NPW: variants seen among roughly 807,000 people sequenced by gnomAD.
NPW encodes prepro-neuropeptide W.
In NPW, 8 loss-of-function variants were observed where a neutral mutation model predicts 9.9. That is an observed-to-expected ratio of 0.81 (90% CI 0.47 to 1.46). The LOEUF is 1.46. Ranked by LOEUF, NPW falls within the 40% of genes most tolerant of loss-of-function variation. The pLI, the probability that NPW is intolerant of heterozygous loss-of-function variation, is 0.00. For synonymous variants in NPW, 134 were observed against 119.9 expected, an observed-to-expected ratio of 1.12 and a Z score of -0.77; for missense variants, 287 against 240.3, an observed-to-expected ratio of 1.19 and a Z score of -1.28.
At position 2,019,810 on chromosome 16, in the gene NPW, C is replaced by A; in HGVS notation, c.-92C>A. 1 of 1,195,496 alleles carries A rather than the reference C, an allele frequency of 8.4e-7. No homozygotes were observed. The highest frequency in any genetic ancestry group is 1.0e-6 in the Non-Finnish European group (1 of 965,270). 74.1% of individuals were successfully genotyped at this position (1,195,496 alleles called of 1,614,324 possible). ...GGCTCGCCTCCAGCCTCCTGCGCTC[C>A]GGTACCTGGGCGTCCCAACTCCACT... On this transcript the variant is annotated 5_prime_UTR_variant, in exon 1 of 2. Transcript: ENST00000566435.
At position 2,020,233 on chromosome 16, in the gene NPW, C is replaced by T; in HGVS notation, c.332C>T (p.Pro111Leu). The change falls in exon 1 of 2, where the codon CCC (proline) becomes CTC (leucine). Residue 111 changes from proline to leucine, a missense_variant. Coordinates refer to ENST00000566435, the MANE Select transcript of NPW (RefSeq NM_001099456.3). Reference sequence around the variant, plus strand: ...CGCAGGAGCTCCCAGGCAGGGATCCCCGTCCGTGCGCCCCGGAGCCCGCGC... The same window carrying T: ...CGCAGGAGCTCCCAGGCAGGGATCCTCGTCCGTGCGCCCCGGAGCCCGCGC... 6.3e-7 allele frequency: 1 copy of T among 1,578,898 alleles called. No homozygotes were observed. Among genetic ancestry groups the T allele is most frequent in the Non-Finnish European group, 8.6e-7 (1 of 1,165,880 alleles).
Position 2,020,252 on chromosome 16 carries a change from C to A in NPW, c.351C>A (p.Ser117Arg). ...GGATCCCCGTCCGTGCGCCCCGGAG[C>A]CCGCGCGCCCCAGAGCCTGCGCTGG... The change falls in exon 1 of 2, where the codon AGC (serine) becomes AGA (arginine). Residue 117 changes from serine to arginine, a missense_variant. Coordinates refer to ENST00000566435, the MANE Select transcript of NPW (RefSeq NM_001099456.3). 1 of 1,552,498 alleles carries A rather than the reference C, an allele frequency of 6.4e-7. No individual in the cohort carries two copies.
chr16:2,020,075 A>T lies in NPW; in HGVS notation c.174A>T (p.Ser58=). 6.7e-7 allele frequency: 1 copy of T among 1,493,010 alleles called. No homozygotes were observed. Among genetic ancestry groups the T allele is most frequent in the Non-Finnish European group, 8.9e-7 (1 of 1,129,580 alleles). 92.5% of individuals were successfully genotyped at this position (1,493,010 alleles called of 1,614,324 possible). The change falls in exon 1 of 2, where the codon TCA becomes TCT. Residue 58 remains serine, a synonymous_variant. Transcript: ENST00000566435. ...GCCTGCTCATGGGGCTGCGTCGCTC[A>T]CCCTATCTGTGGCGCCGCGCGCTGC...
Position 2,020,111 on chromosome 16 carries a change from C to G in NPW, c.210C>G (p.Ala70=), listed in dbSNP as rs377530090. 5.6e-5 allele frequency: 85 copies of G among 1,518,452 alleles called. 1 individual carries two copies. The South Asian group carries it at 9.2e-4, about 16-fold the overall frequency. The allele number at this position is 1,518,452 out of a possible 1,614,324, so 94.1% of individuals were successfully genotyped here. A position where few individuals can be genotyped will look rare whatever the true frequency, so the allele number is the denominator to read the frequency against. Residue 70 remains alanine (A), a synonymous_variant, in exon 1 of 2, where the codon GCC becomes GCG. Coordinates refer to ENST00000566435, the MANE Select transcript of NPW (RefSeq NM_001099456.3). ...GGCGCCGCGCGCTGCGCGCGGCCGC[C>G]GGGCCCCTGGCCAGGGACACCCTCT...
Position 2,019,848 on chromosome 16 carries a change from C to A in NPW, c.-54C>A. ...TCCCAACTCCACTGCGCGCCCAAAC[C>A]CAGCCGAGCCGGTTCGTGGCCCGCC... On this transcript the variant is annotated 5_prime_UTR_variant, in exon 1 of 2. Transcript: ENST00000566435. 1 of 1,205,712 alleles carries A rather than the reference C, an allele frequency of 8.3e-7. No homozygotes were observed. The highest frequency in any genetic ancestry group is 4.1e-5 in the South Asian group (1 of 24,232). 74.7% of individuals were successfully genotyped at this position (1,205,712 alleles called of 1,614,324 possible).
In NPW at chr16:2,020,105, G is replaced by A. The variant is rs757153361; in HGVS notation, c.204G>A (p.Ala68=). 163 of 1,505,536 alleles carry A rather than the reference G, an allele frequency of 1.1e-4. No individual in the cohort carries two copies. The highest frequency in any genetic ancestry group is 1.4e-4 in the Non-Finnish European group (159 of 1,136,862). 93.3% of individuals were successfully genotyped at this position (1,505,536 alleles called of 1,614,324 possible). A position where few individuals can be genotyped will look rare whatever the true frequency, so the allele number is the denominator to read the frequency against. Reference sequence around the variant, plus strand: ...ATCTGTGGCGCCGCGCGCTGCGCGCGGCCGCCGGGCCCCTGGCCAGGGACA... The same window carrying A: ...ATCTGTGGCGCCGCGCGCTGCGCGCAGCCGCCGGGCCCCTGGCCAGGGACA... The change falls in exon 1 of 2, where the codon GCG becomes GCA. Residue 68 remains alanine, a synonymous_variant. Transcript: ENST00000566435.
At position 2,020,261 on chromosome 16, in the gene NPW, C is replaced by T. The variant is rs1264645882; in HGVS notation, c.360C>T (p.Ala120=). 5 of 1,545,056 alleles carry T rather than the reference C, an allele frequency of 3.2e-6. No homozygotes were observed. In the Admixed American group the frequency reaches 5.8e-5, roughly 18 times the overall value. The stretch of plus-strand genomic sequence containing the variant: ...TCCGTGCGCCCCGGAGCCCGCGCGC[C>T]CCAGAGCCTGCGCTGGAACCGGAGT... The change falls in exon 1 of 2, where the codon GCC becomes GCT. Residue 120 remains alanine (A), a synonymous_variant. Transcript: ENST00000566435.
At position 2,020,600 on chromosome 16, in the gene NPW, TGGCCCCCG is replaced by T; in HGVS notation, c.481_488del (p.Ala161ThrfsTer16). The stretch of plus-strand genomic sequence containing the variant: ...GCAAACCGCCTTGGCCTGCCCTGCC[TGGCCCCCG>T]GACCGTTCTGACAGCGTCCCCCGCC... On this transcript the variant is annotated frameshift_variant, in exon 2 of 2. Transcript: ENST00000566435. LOFTEE classifies it high-confidence loss of function. 6.2e-7 allele frequency: 1 copy of T among 1,603,304 alleles called. No individual in the cohort carries two copies. The highest frequency in any genetic ancestry group is 8.5e-7 in the Non-Finnish European group (1 of 1,173,184).
Position 2,019,854 on chromosome 16 carries a change from G to A in NPW, c.-48G>A, listed in dbSNP as rs932036356. The A allele has an allele frequency of 2.4e-5, 29 of 1,207,286 alleles. No homozygotes were observed. The highest frequency in any genetic ancestry group is 4.1e-5 in the South Asian group (1 of 24,360). 74.8% of individuals were successfully genotyped at this position (1,207,286 alleles called of 1,614,324 possible). A position where few individuals can be genotyped will look rare whatever the true frequency, so the allele number is the denominator to read the frequency against. On this transcript the variant is annotated 5_prime_UTR_variant, in exon 1 of 2. Coordinates refer to ENST00000566435, the MANE Select transcript of NPW (RefSeq NM_001099456.3). ...CTCCACTGCGCGCCCAAACCCAGCC[G>A]AGCCGGTTCGTGGCCCGCCCCGCCG...
Position 2,020,259 on chromosome 16 carries a change from G to C in NPW, c.358G>C (p.Ala120Pro). The C allele has an allele frequency of 6.5e-7, 1 of 1,545,468 alleles. No individual in the cohort carries two copies. The highest frequency in any genetic ancestry group is 8.7e-7 in the Non-Finnish European group (1 of 1,148,330). The change falls in exon 1 of 2, where the codon GCC becomes CCC. Residue 120 changes from alanine to proline, a missense_variant. Ala to Pro is a conservative substitution (Grantham distance 27). Coordinates refer to ENST00000566435, the MANE Select transcript of NPW (RefSeq NM_001099456.3). Reference sequence around the variant, plus strand: ...CGTCCGTGCGCCCCGGAGCCCGCGCGCCCCAGAGCCTGCGCTGGAACCGGA... The same window carrying C: ...CGTCCGTGCGCCCCGGAGCCCGCGCCCCCCAGAGCCTGCGCTGGAACCGGA...
chr16:2,020,616 C>G lies in NPW; in HGVS notation c.495C>G (p.Phe165Leu). 6.3e-7 allele frequency: 1 copy of G among 1,584,660 alleles called. No homozygotes were observed. Among genetic ancestry groups the G allele is most frequent in the Non-Finnish European group, 8.6e-7 (1 of 1,160,050 alleles). Reference sequence around the variant, plus strand: ...TGCCCTGCCTGGCCCCCGGACCGTTCTGACAGCGTCCCCCGCCCGCCCGTG... The same window carrying G: ...TGCCCTGCCTGGCCCCCGGACCGTTGTGACAGCGTCCCCCGCCCGCCCGTG... The change falls in exon 2 of 2, where the codon TTC (phenylalanine) becomes TTG (leucine). Residue 165 changes from phenylalanine to leucine, a missense_variant. Coordinates refer to ENST00000566435, the MANE Select transcript of NPW (RefSeq NM_001099456.3).
rs757726628 is a variant in NPW, at chr16:2,020,247, C to G, written c.346C>G (p.Arg116Gly). 5 of 1,558,022 alleles carry G rather than the reference C, an allele frequency of 3.2e-6. No homozygotes were observed. In the South Asian group the frequency reaches 5.9e-5, roughly 18 times the overall value. The change falls in exon 1 of 2, where the codon CGG becomes GGG. Residue 116 changes from arginine to glycine, a missense_variant. Arg to Gly is a moderately radical substitution (Grantham distance 125). Transcript: ENST00000566435. ...GGCAGGGATCCCCGTCCGTGCGCCC[C>G]GGAGCCCGCGCGCCCCAGAGCCTGC...
rs1365644498 is a variant in NPW at position 2,020,096 on chromosome 16, G to A, written c.195G>A (p.Ala65=). The A allele has an allele frequency of 1.3e-6, 2 of 1,502,306 alleles. No individual in the cohort carries two copies. The highest frequency in any genetic ancestry group is 5.0e-5 in the East Asian group (2 of 40,298). The allele number at this position is 1,502,306 out of a possible 1,614,324, so 93.1% of individuals were successfully genotyped here. A position where few individuals can be genotyped will look rare whatever the true frequency, so the allele number is the denominator to read the frequency against. Reference sequence around the variant, plus strand: ...GCTCACCCTATCTGTGGCGCCGCGCGCTGCGCGCGGCCGCCGGGCCCCTGG... The same window carrying A: ...GCTCACCCTATCTGTGGCGCCGCGCACTGCGCGCGGCCGCCGGGCCCCTGG... Residue 65 remains alanine (A), a synonymous_variant, in exon 1 of 2, where the codon GCG becomes GCA. Coordinates refer to ENST00000566435, the MANE Select transcript of NPW (RefSeq NM_001099456.3).
Position 2,020,201 on chromosome 16 carries a change from GA to G in NPW, c.301del (p.Thr101ArgfsTer92). 4 of 1,596,728 alleles carry G rather than the reference GA, an allele frequency of 2.5e-6. No individual in the cohort carries two copies. Among genetic ancestry groups the G allele is most frequent in the Non-Finnish European group, 3.4e-6 (4 of 1,174,966 alleles). The stretch of plus-strand genomic sequence containing the variant: ...CCTCGTGGGTTCAGGAGCTGTGGGA[GA>G]CGCGACGCAGGAGCTCCCAGGCAGG... On this transcript the variant is annotated frameshift_variant, in exon 1 of 2. Transcript: ENST00000566435. LOFTEE classifies it high-confidence loss of function.
At chr16:2,020,350 AG>A in intron 1 of NPW, 38 bp downstream of exon 1, 2 of 1,442,610 alleles carry the variant, frequency 1.4e-6, no homozygotes, top group Non-Finnish European at 1.8e-6. Context: ...GCCGCGGGCA[AG>A]GGGGTCTCGG....
At position 2,020,518 on chromosome 16, in the gene NPW, C is replaced by A; in HGVS notation, c.412-15C>A. ...CCACAGCCTCCTCCCCACGGCCTTG[C>A]TGTGTTCTCGTTAGAGACTTCGGAG... On this transcript the variant is annotated splice_polypyrimidine_tract_variant and intron_variant, in intron 1 of 1. Coordinates refer to ENST00000566435, the MANE Select transcript of NPW (RefSeq NM_001099456.3). 1.3e-6 allele frequency: 2 copies of A among 1,586,802 alleles called. No homozygotes were observed. The highest frequency in any genetic ancestry group is 1.7e-6 in the Non-Finnish European group (2 of 1,157,660).
chr16:2,020,113 G>T lies in NPW; in HGVS notation c.212G>T (p.Gly71Val), dbSNP rs1204470488. The T allele has an allele frequency of 1.3e-6, 2 of 1,521,410 alleles. No homozygotes were observed. Among genetic ancestry groups the T allele is most frequent in the East Asian group, 2.4e-5 (1 of 41,266 alleles). The allele number at this position is 1,521,410 out of a possible 1,614,324, so 94.2% of individuals were successfully genotyped here. A position where few individuals can be genotyped will look rare whatever the true frequency, so the allele number is the denominator to read the frequency against. ...CGCCGCGCGCTGCGCGCGGCCGCCG[G>T]GCCCCTGGCCAGGGACACCCTCTCC... Residue 71 changes from glycine (G) to valine (V), a missense_variant, in exon 1 of 2, where the codon GGG (glycine) becomes GTG (valine). Gly to Val is a moderately radical substitution (Grantham distance 109, BLOSUM62 -3). Coordinates refer to ENST00000566435, the MANE Select transcript of NPW (RefSeq NM_001099456.3).
chr16:2,020,389 G>T, intron 1 of NPW, 77 bp downstream of exon 1: 1 of 1,333,710 alleles, frequency 7.5e-7, no homozygotes. Flanking sequence ...ACGGAGCCGC[G>T]CGTTCAGGGG....
chr16:2,020,258 C>T lies in NPW; in HGVS notation c.357C>T (p.Arg119=). The stretch of plus-strand genomic sequence containing the variant: ...CCGTCCGTGCGCCCCGGAGCCCGCG[C>T]GCCCCAGAGCCTGCGCTGGAACCGG... Residue 119 remains arginine (R), a synonymous_variant, in exon 1 of 2, where the codon CGC becomes CGT. Coordinates refer to ENST00000566435, the MANE Select transcript of NPW (RefSeq NM_001099456.3). 1.3e-6 allele frequency: 2 copies of T among 1,547,634 alleles called. No individual in the cohort carries two copies. The highest frequency in any genetic ancestry group is 1.7e-6 in the Non-Finnish European group (2 of 1,149,496).
Sources: allele counts gnomAD v4.1 joint callset, GRCh38; gene constraint gnomAD v4.1.1; transcripts MANE v1.5; gene names NCBI Gene and HGNC (gene_info 2026-07-23, HGNC 2026-07-21).